FILIP1L: variants seen among roughly 807,000 people sequenced by gnomAD.
The protein encoded by FILIP1L is filamin A interacting protein 1 like, also known as filamin A-interacting protein 1-like.
A neutral mutation model predicts 96.6 loss-of-function variants in FILIP1L; 55 were observed. The ratio of observed to expected loss-of-function variants is 0.57; its 90% CI spans 0.46 to 0.71. FILIP1L has a LOEUF of 0.71. FILIP1L is among the 30% of genes least tolerant of loss of function. The pLI is 0.00. For missense variants in FILIP1L, 1,304 were observed against 1,321.2 expected (o/e 0.99, Z 0.20); for synonymous variants, 467 against 473.9 (o/e 0.99, Z 0.19).
intron 1 of FILIP1L, among the ~76,000 whole-genome samples, chr3:100,056,167 A>G (rs1220188358): frequency 6.6e-6 from 1 of 152,206 alleles, no homozygotes; most frequent in African/African-American, 2.4e-5. Flanking sequence ...TGCATTTTAC[A>G]TTACAAAAAT....
chr3:99,830,521 G>A lies in FILIP1L; in HGVS notation c.3466C>T (p.Pro1156Ser), dbSNP rs1427795236. The A allele has an allele frequency of 4.4e-6, 2 of 456,664 alleles. No individual in the cohort carries two copies. The highest frequency in any genetic ancestry group is 2.3e-5 in the Admixed American group (1 of 42,586). 28.3% of individuals were successfully genotyped at this position (456,664 alleles called of 1,614,324 possible). A position where few individuals can be genotyped will look rare whatever the true frequency, so the allele number is the denominator to read the frequency against. Residue 1156 changes from proline (P) to serine (S), a missense_variant, in exon 6 of 6, where the codon CCC (proline) becomes TCC (serine). Pro to Ser is a moderately conservative substitution (Grantham distance 74). Transcript: ENST00000477258. Reference sequence around the variant, plus strand: ...ATAGGCTTATCCATAGGCACTGTGGGGGCTTTAGTGGAAATCTTGGTGATG... The same window carrying A: ...ATAGGCTTATCCATAGGCACTGTGGAGGCTTTAGTGGAAATCTTGGTGATG... ...TGITKISTKA[P>S]TVPMDKPIYQ...
chr3:100,097,381 T>G (rs2066228625), intron 1 of FILIP1L, among the ~76,000 whole-genome samples: 1 of 152,236 alleles, frequency 6.6e-6, no homozygotes, highest in Non-Finnish European at 1.5e-5. Context: ...ATGGATTATA[T>G]GCAAATACTG....
chr3:99,906,960 C>A (rs1273706219), intron 4 of FILIP1L, among the ~76,000 whole-genome samples: 1 of 152,052 alleles, frequency 6.6e-6, no homozygotes, highest in East Asian at 1.9e-4. Flanking sequence ...TGGAGCAGAA[C>A]GACTTTTAAG....
rs71688408 is a variant in FILIP1L, at chr3:99,958,203, CATTATTATTATTATT to C, written c.-10-27188_-10-27174del. 5.6e-3 allele frequency among the ~76,000 whole-genome samples: 741 copies of C among 132,704 alleles called. 5 individuals are homozygous for C. Among genetic ancestry groups the C allele is most frequent in the African/African-American group, 0.018 (642 of 35,792 alleles). 87.1% of individuals were successfully genotyped at this position (132,704 alleles called of 152,430 possible). On this transcript the variant is annotated intron_variant, in intron 1 of 5. Coordinates refer to ENST00000477258, the MANE Select transcript of FILIP1L (RefSeq NM_001387850.1). ...TCACCTAGGTATTAAGCCCTGCATG[CATTATTATTATTATT>C]ATTATTATTATTATTATTATTATTA...
chr3:99,952,219 G>T (rs1215504609), intron 1 of FILIP1L, among the ~76,000 whole-genome samples: 2 of 151,846 alleles, frequency 1.3e-5, no homozygotes, highest in African/African-American at 4.8e-5. Context: ...TTCTATTTGA[G>T]ATCTGATATA....
At chr3:99,883,115 C>A (rs150796813) in intron 4 of FILIP1L, among the ~76,000 whole-genome samples, 1 of 152,150 alleles carries the variant, frequency 6.6e-6, no homozygotes, top group Non-Finnish European at 1.5e-5. Flanking sequence ...CTTGTGTCTA[C>A]GCTTAGATTG....
At chr3:99,911,898 A>G (rs1232742035) in intron 4 of FILIP1L, among the ~76,000 whole-genome samples, 5 of 151,538 alleles carry the variant, frequency 3.3e-5, no homozygotes, top group Admixed American at 6.6e-5. Context: ...AATATCCCCC[A>G]TTTTCTCTCT....
intron 1 of FILIP1L, among the ~76,000 whole-genome samples, chr3:99,964,829 C>G (rs1045019997): frequency 6.6e-6 from 1 of 152,146 alleles, no homozygotes; most frequent in Non-Finnish European, 1.5e-5. Context: ...CTCTCATCTA[C>G]TATGCTCCCT....
chr3:100,091,326 G>C (rs1425073781), intron 1 of FILIP1L, among the ~76,000 whole-genome samples: 2 of 151,644 alleles, frequency 1.3e-5, no homozygotes, highest in African/African-American at 4.8e-5. Context: ...CTGCCTTTAA[G>C]GGGTGTGCAT....
At chr3:100,031,108 A>G (rs906312621) in intron 1 of FILIP1L, among the ~76,000 whole-genome samples, 11 of 152,076 alleles carry the variant, frequency 7.2e-5, no homozygotes, top group Non-Finnish European at 1.6e-4. Flanking sequence ...TTTTTCTGCT[A>G]TAATTTAGAA....
intron 4 of FILIP1L, among the ~76,000 whole-genome samples, chr3:99,869,992 A>C (rs889531215): frequency 1.3e-5 from 2 of 152,006 alleles, no homozygotes; most frequent in African/African-American, 4.8e-5. Flanking sequence ...CTCCATTTAC[A>C]TGTGGACTCT....
Position 100,087,886 on chromosome 3 carries a change from A to G in FILIP1L, c.-11+26167T>C, listed in dbSNP as rs543897572. On this transcript the variant is annotated intron_variant, in intron 1 of 5. Coordinates refer to ENST00000477258, the MANE Select transcript of FILIP1L (RefSeq NM_001387850.1). ...CACTCTGTCACCCAGGCTGGAGTGCAGTGGCAAGATCTCGACTCACTGCAA... is the reference window on the plus strand; with the variant it reads ...CACTCTGTCACCCAGGCTGGAGTGCGGTGGCAAGATCTCGACTCACTGCAA... 2.9e-4 allele frequency among the ~76,000 whole-genome samples: 40 copies of G among 139,982 alleles called. No homozygotes were observed. The South Asian group carries it at 8.4e-3, about 29-fold the overall frequency. The allele number at this position is 139,982 out of a possible 152,430, so 91.8% of individuals were successfully genotyped here. A position where few individuals can be genotyped will look rare whatever the true frequency, so the allele number is the denominator to read the frequency against.
rs200216895 is a variant in FILIP1L at position 99,978,886 on chromosome 3, C to CA, written c.-10-47857dup. 5.6e-3 allele frequency among the ~76,000 whole-genome samples: 787 copies of CA among 140,864 alleles called. 7 individuals are homozygous for CA. The highest frequency in any genetic ancestry group is 0.018 in the African/African-American group (696 of 38,272). The allele number at this position is 140,864 out of a possible 152,430, so 92.4% of individuals were successfully genotyped here. Reference sequence around the variant, plus strand: ...GGCAACAGAGCGAGACTCTTGTTTACAAAAAAAAAAGAAGCAGAAGTAGGG... The same window carrying CA: ...GGCAACAGAGCGAGACTCTTGTTTACAAAAAAAAAAAGAAGCAGAAGTAGGG... On this transcript the variant is annotated intron_variant, in intron 1 of 5. Coordinates refer to ENST00000477258, the MANE Select transcript of FILIP1L (RefSeq NM_001387850.1).
At chr3:99,969,266 AATG>A (rs1708744870) in intron 1 of FILIP1L, among the ~76,000 whole-genome samples, 1 of 152,216 alleles carries the variant, frequency 6.6e-6, no homozygotes, top group Non-Finnish European at 1.5e-5. Flanking sequence ...TGAAGTAGAA[AATG>A]ATGTCATCTG....
At chr3:100,092,668 C>G (rs2066131005) in intron 1 of FILIP1L, among the ~76,000 whole-genome samples, 1 of 146,000 alleles carries the variant, frequency 6.8e-6, no homozygotes. Flanking sequence ...ATGCACTGAG[C>G]AAACATACAT....
At chr3:100,059,811 T>C (rs6802422) in intron 1 of FILIP1L, among the ~76,000 whole-genome samples, 28,132 of 152,106 alleles carry the variant, frequency 0.18, 2,945 homozygotes, top group South Asian at 0.25. Flanking sequence ...TGTGTATGTA[T>C]CATCTCCTGA....
chr3:99,924,892 A>G (rs1197117904), intron 3 of FILIP1L, among the ~76,000 whole-genome samples: 1 of 152,198 alleles, frequency 6.6e-6, no homozygotes, highest in African/African-American at 2.4e-5. Flanking sequence ...GTGCATTTCA[A>G]TACAAATGTA....
rs118121449 is a variant in FILIP1L at position 99,869,796 on chromosome 3, G to T, written c.606-18726C>A. On this transcript the variant is annotated intron_variant, in intron 4 of 5. Coordinates refer to ENST00000477258, the MANE Select transcript of FILIP1L (RefSeq NM_001387850.1). ...TAAAAAAGCATTTTAAAAAGAAAGA[G>T]AAAAACATATTTCACCTTTAAACTT... is the stretch of plus-strand genomic sequence containing the variant. Among the ~76,000 whole-genome samples the T allele has an allele frequency of 6.6e-5, 10 of 152,280 alleles. No individual in the cohort carries two copies. The East Asian group carries it at 1.7e-3, about 26-fold the overall frequency.
At chr3:100,036,815 A>G (rs1246594626) in intron 1 of FILIP1L, among the ~76,000 whole-genome samples, 1 of 152,216 alleles carries the variant, frequency 6.6e-6, no homozygotes, top group African/African-American at 2.4e-5. Context: ...CAAAGTTACC[A>G]TCATCAATAG....
Sources: allele counts gnomAD v4.1 joint callset (sites outside exome capture counted in the v4.1 genomes callset), GRCh38; gene constraint gnomAD v4.1.1; transcripts MANE v1.5; gene names NCBI Gene and HGNC (gene_info 2026-07-23, HGNC 2026-07-21).